ECT2: variants seen among roughly 807,000 people sequenced by gnomAD.
ECT2 encodes the protein protein ECT2.
Under a neutral mutation model 116.9 loss-of-function variants are expected in ECT2, and 61 were observed. The ratio of observed to expected loss-of-function variants is 0.52; its 90% CI spans 0.42 to 0.65. ECT2 has a LOEUF of 0.65. Ranked by LOEUF, ECT2 falls within the 30% of genes least tolerant of loss-of-function variation. The pLI is 0.00. For synonymous variants in ECT2, 358 were observed against 346.4 expected (o/e 1.03, Z -0.37); for missense variants, 937 against 1,078.7 (o/e 0.87, Z 1.84).
At chr3:172,819,340 A>G (rs192974470) in intron 24 of ECT2, among the ~76,000 whole-genome samples, 59 of 152,110 alleles carry the variant, frequency 3.9e-4, no homozygotes, top group Non-Finnish European at 5.3e-4. Context: ...CTTATAATTT[A>G]TTTTGATTTA....
chr3:172,795,978 T>C (rs1725572130), intron 18 of ECT2, among the ~76,000 whole-genome samples: 1 of 152,150 alleles, frequency 6.6e-6, no homozygotes, highest in Non-Finnish European at 1.5e-5. Context: ...CACAGGTTAT[T>C]TAAAGTTTGT....
intron 5 of ECT2, among the ~76,000 whole-genome samples, chr3:172,757,421 T>A (rs902832300): frequency 2.7e-5 from 4 of 148,982 alleles, no homozygotes; most frequent in Non-Finnish European, 6.0e-5. Flanking sequence ...AGTCCTTTTT[T>A]TTTTTTTTTT....
chr3:172,823,280 G>A (rs1730759876), downstream of ECT2, among the ~76,000 whole-genome samples: 1 of 152,106 alleles, frequency 6.6e-6, no homozygotes, highest in South Asian at 2.1e-4. Context: ...TTTACATTTA[G>A]AGTGTAAGGA....
chr3:172,762,621 AC>A, intron 9 of ECT2, 69 bp from the exon 10 acceptor site: 2 of 1,578,292 alleles, frequency 1.3e-6, no homozygotes, highest in Non-Finnish European at 8.6e-7. Flanking sequence ...TGGTCAATAT[AC>A]CTCTTAAAAA....
intron 13 of ECT2, among the ~76,000 whole-genome samples, chr3:172,769,566 CAG>C (rs1310167438): frequency 6.6e-6 from 1 of 151,954 alleles, no homozygotes; most frequent in African/African-American, 2.4e-5. Context: ...TGAAGCATAA[CAG>C]TGTTGATATA....
At chr3:172,762,670 C>G in intron 9 of ECT2, 21 bp from the exon 10 acceptor site, 2 of 1,594,142 alleles carry the variant, frequency 1.3e-6, no homozygotes, top group Non-Finnish European at 1.7e-6. Flanking sequence ...CTTATTTATG[C>G]TTATGTGCAT....
chr3:172,763,035 C>T, intron 11 of ECT2, 63 bp downstream of exon 11: 1 of 1,552,282 alleles, frequency 6.4e-7, no homozygotes, highest in Non-Finnish European at 8.8e-7. Context: ...TAACACTTTT[C>T]TGTCCAGAAG....
In ECT2 at chr3:172,815,507, A is replaced by G. The variant is rs955954136; in HGVS notation, c.2401-97A>G. The G allele has an allele frequency of 8.6e-6, 6 of 698,614 alleles. No individual in the cohort carries two copies. The Admixed American group carries it at 1.2e-4, about 14-fold the overall frequency. 43.3% of individuals were successfully genotyped at this position (698,614 alleles called of 1,614,324 possible). ...CACATGAAAAGTCTTGAGTAGCTTC[A>G]TTTATAAATACTCCCATATATAAAT... On this transcript the variant is annotated intron_variant, in intron 22 of 24. Transcript: ENST00000392692.
intron 18 of ECT2, among the ~76,000 whole-genome samples, chr3:172,790,302 T>C (rs1724430075): frequency 6.6e-6 from 1 of 152,212 alleles, no homozygotes; most frequent in Admixed American, 6.5e-5. Flanking sequence ...CCTCTAATGA[T>C]ACAGCATACA....
At chr3:172,755,193 C>G in intron 2 of ECT2, 102 bp from the exon 3 acceptor site, 2 of 752,492 alleles carry the variant, frequency 2.7e-6, no homozygotes, top group East Asian at 3.1e-5. Flanking sequence ...ATGATTCCCT[C>G]AAAGATGTAA....
In ECT2 at chr3:172,760,206, CTT is replaced by C. The variant is rs1717953055; in HGVS notation, c.629_630del (p.Phe210Ter). 1.2e-6 allele frequency: 2 copies of C among 1,612,218 alleles called. No individual in the cohort carries two copies. Among genetic ancestry groups the C allele is most frequent in the Non-Finnish European group, 1.7e-6 (2 of 1,179,014 alleles). The stretch of plus-strand genomic sequence containing the variant: ...ACATGGGTGGAGTTATTCGAAAAGA[CTT>C]TAATTCAAAAGTTACACATTTGGTG... ...HHMGGVIRKD[F>X]NSKVTHLVAN... On this transcript the variant is annotated frameshift_variant, in exon 7 of 25. Coordinates refer to ENST00000392692, the MANE Select transcript of ECT2 (RefSeq NM_001258315.2). LOFTEE classifies it high-confidence loss of function.
chr3:172,780,237 C>T (rs1011538360), intron 14 of ECT2, among the ~76,000 whole-genome samples: 2 of 152,058 alleles, frequency 1.3e-5, no homozygotes, highest in Admixed American at 1.3e-4. Context: ...ATGGTTTCCT[C>T]TTAGCATGTG....
At chr3:172,806,865 A>G (rs1034648598) in intron 21 of ECT2, among the ~76,000 whole-genome samples, 1 of 148,376 alleles carries the variant, frequency 6.7e-6, no homozygotes, top group African/African-American at 2.5e-5. Flanking sequence ...CTGGTCTTGA[A>G]CTCCTGACCT....
At chr3:172,794,348 C>T (rs1376469100) in intron 18 of ECT2, among the ~76,000 whole-genome samples, 1 of 152,142 alleles carries the variant, frequency 6.6e-6, no homozygotes, top group African/African-American at 2.4e-5. Flanking sequence ...GTATTTGTTG[C>T]AAAGAGTATC....
downstream of ECT2, among the ~76,000 whole-genome samples, chr3:172,824,413 A>T (rs918980585): frequency 6.6e-6 from 1 of 152,140 alleles, no homozygotes; most frequent in Non-Finnish European, 1.5e-5. Flanking sequence ...GGTGCTACAC[A>T]CTTGTAAACA....
Position 172,796,922 on chromosome 3 carries a change from G to A in ECT2, c.1908-5694G>A, listed in dbSNP as rs145600686. ...GATCCTCTCACCTCAGCCTCCCACAGTGCTGGAATTGGAGGCATGAGCCAT... is the reference window on the plus strand; with the variant it reads ...GATCCTCTCACCTCAGCCTCCCACAATGCTGGAATTGGAGGCATGAGCCAT... On this transcript the variant is annotated intron_variant, in intron 18 of 24. Transcript: ENST00000392692. Among the ~76,000 whole-genome samples the A allele has an allele frequency of 2.8e-3, 420 of 152,104 alleles. 4 individuals are homozygous for A. Among genetic ancestry groups the A allele is most frequent in the African/African-American group, 9.9e-3 (409 of 41,516 alleles).
At chr3:172,805,613 GAAT>G in intron 20 of ECT2, 115 bp from the exon 21 acceptor site, 1 of 1,004,110 alleles carries the variant, frequency 1.0e-6, no homozygotes, top group Non-Finnish European at 1.4e-6. Flanking sequence ...ACTTTGTAAC[GAAT>G]AATAACTAAA....
chr3:172,816,881 G>A, intron 24 of ECT2, 44 bp downstream of exon 24: 2 of 1,428,712 alleles, frequency 1.4e-6, no homozygotes, highest in Non-Finnish European at 1.9e-6. Context: ...TATTTATGAA[G>A]TTGTTATGGA....
intron 18 of ECT2, among the ~76,000 whole-genome samples, chr3:172,791,398 A>G (rs1369008391): frequency 4.6e-5 from 7 of 152,194 alleles, no homozygotes; most frequent in Non-Finnish European, 1.0e-4. Context: ...AAAGTCCTAG[A>G]AAGCACCTTC....
Sources: gnomAD v4.1 joint callset for allele counts (sites outside exome capture counted in the v4.1 genomes callset) on GRCh38, gnomAD v4.1.1 for gene constraint, MANE v1.5 for transcripts, NCBI Gene and HGNC (gene_info 2026-07-23, HGNC 2026-07-21) for gene names.